Variants in SNCAIP observed in about 807,000 individuals in gnomAD.
The protein encoded by SNCAIP is synphilin-1.
In SNCAIP, 43 loss-of-function variants were observed where a neutral mutation model predicts 86.7. The ratio of observed to expected loss-of-function variants is 0.50; its 90% CI spans 0.39 to 0.64. SNCAIP has a LOEUF of 0.64. SNCAIP is among the 30% of genes least tolerant of loss of function. The pLI is 0.00. For missense variants in SNCAIP, 981 were observed against 1,103.1 expected (o/e 0.89, Z 1.57); for synonymous variants, 417 against 427.2 (o/e 0.98, Z 0.29).
chr5:122,440,752 C>A lies in SNCAIP; in HGVS notation c.1420C>A (p.Gln474Lys). 1 of 1,613,692 alleles carries A rather than the reference C, an allele frequency of 6.2e-7. No individual in the cohort carries two copies. The change falls in exon 7 of 11, where the codon CAG (glutamine) becomes AAG (lysine). Residue 474 changes from glutamine to lysine, a missense_variant and splice_region_variant. Transcript: ENST00000261368. ...ACAGCATGGCTACCTTGGATGCATA[C>A]AGGTACACAGGCCCTGCTGTTTTGC... ...ASQHGYLGCI[Q>K]TLVEYGANVT... is the part of the protein sequence containing the mutation.
chr5:122,368,662 C>T (rs1036977989), intron 1 of SNCAIP, among the ~76,000 whole-genome samples: 6 of 152,184 alleles, frequency 3.9e-5, no homozygotes, highest in Admixed American at 3.9e-4. Context: ...ATCTTAGCTC[C>T]TTTCTCCCAT....
At chr5:122,318,472 C>G (rs1469609592) in intron 1 of SNCAIP, among the ~76,000 whole-genome samples, 1 of 152,188 alleles carries the variant, frequency 6.6e-6, no homozygotes, top group African/African-American at 2.4e-5. Context: ...TTTGCACATC[C>G]TGTGCTCAGT....
intron 10 of SNCAIP, 36 bp from the exon 11 acceptor site, chr5:122,463,455 T>C: frequency 8.2e-7 from 1 of 1,216,180 alleles, no homozygotes. Context: ...ACCATAGTTT[T>C]ATCTAATTTT....
chr5:122,373,768 C>T (rs1041173869), intron 1 of SNCAIP, among the ~76,000 whole-genome samples: 1 of 152,166 alleles, frequency 6.6e-6, no homozygotes, highest in Non-Finnish European at 1.5e-5. Context: ...TACATCAGCC[C>T]TGACAACTTC....
intron 10 of SNCAIP, among the ~76,000 whole-genome samples, chr5:122,452,538 G>C (rs1212739842): frequency 6.6e-6 from 1 of 152,124 alleles, no homozygotes; most frequent in Non-Finnish European, 1.5e-5. Flanking sequence ...CCCAAATCAA[G>C]TTTTAGTGAG....
Position 122,451,678 on chromosome 5 carries a change from C to T in SNCAIP, c.2754+77C>T, listed in dbSNP as rs1166450644. The T allele has an allele frequency of 7.0e-6, 8 of 1,140,138 alleles. No homozygotes were observed. In the African/African-American group the frequency reaches 9.2e-5, roughly 13 times the overall value. 70.6% of individuals were successfully genotyped at this position (1,140,138 alleles called of 1,614,324 possible). A position where few individuals can be genotyped will look rare whatever the true frequency, so the allele number is the denominator to read the frequency against. The stretch of plus-strand genomic sequence containing the variant: ...GTTCCTAATATCACAGATTGTGGGC[C>T]CACACTACCTTGAGGGAATCCCCAG... On this transcript the variant is annotated intron_variant, in intron 10 of 10. Transcript: ENST00000261368.
rs1168997087 is a variant in SNCAIP, at chr5:122,451,385, G to T, written c.2538G>T (p.Arg846=). The T allele has an allele frequency of 3.1e-6, 5 of 1,614,182 alleles. No homozygotes were observed. Among genetic ancestry groups the T allele is most frequent in the Non-Finnish European group, 4.2e-6 (5 of 1,180,030 alleles). ...KDKDKGRTLQ[R]TSTSNESGDQ... is the part of the protein sequence containing the mutation. ...AAGATAAGGGCAGGACTCTCCAGCG[G>T]ACCTCCACAAGTAACGAATCGGGGG... Residue 846 remains arginine (R), a synonymous_variant, in exon 10 of 11, where the codon CGG becomes CGT. Transcript: ENST00000261368.
intron 1 of SNCAIP, among the ~76,000 whole-genome samples, chr5:122,326,058 T>G (rs781210042): frequency 3.3e-5 from 5 of 152,212 alleles, no homozygotes; most frequent in Non-Finnish European, 7.4e-5. Flanking sequence ...TTGTGACCAC[T>G]GAATAATAAT....
At chr5:122,386,056 G>A (rs1768068384) in intron 1 of SNCAIP, among the ~76,000 whole-genome samples, 1 of 152,104 alleles carries the variant, frequency 6.6e-6, no homozygotes, top group African/African-American at 2.4e-5. Context: ...TGCCTTTTAT[G>A]AGCCAAGCAC....
intron 8 of SNCAIP, among the ~76,000 whole-genome samples, chr5:122,446,191 A>C (rs552732340): frequency 4.3e-4 from 65 of 152,316 alleles, no homozygotes; most frequent in African/African-American, 1.6e-3. Context: ...AGATATTTCA[A>C]AAAAACAAGT....
At chr5:122,370,484 C>T (rs534210481) in intron 1 of SNCAIP, among the ~76,000 whole-genome samples, 132 of 152,132 alleles carry the variant, frequency 8.7e-4, no homozygotes, top group Non-Finnish European at 1.6e-3. Flanking sequence ...GACAATTGCA[C>T]CCTGTGTACC....
intron 1 of SNCAIP, among the ~76,000 whole-genome samples, chr5:122,363,663 T>G: frequency 6.9e-6 from 1 of 145,642 alleles, no homozygotes. Context: ...CCTAGAACAG[T>G]GCTAGACACT....
At chr5:122,443,101 T>A (rs540652032) in intron 7 of SNCAIP, among the ~76,000 whole-genome samples, 1 of 152,316 alleles carries the variant, frequency 6.6e-6, no homozygotes, top group South Asian at 2.1e-4. Context: ...GTGACACTCC[T>A]GTGAGGTAGG....
chr5:122,413,749 A>C (rs1190791660), intron 3 of SNCAIP, among the ~76,000 whole-genome samples: 1 of 152,184 alleles, frequency 6.6e-6, no homozygotes, highest in Non-Finnish European at 1.5e-5. Context: ...AAAAAAGAAA[A>C]AAGAAAAAAA....
intron 1 of SNCAIP, among the ~76,000 whole-genome samples, chr5:122,384,291 GA>G (rs1767625199): frequency 6.6e-6 from 1 of 152,106 alleles, no homozygotes; most frequent in Non-Finnish European, 1.5e-5. Context: ...TGTAAAATAT[GA>G]AAGATATGAT....
chr5:122,457,265 A>C (rs1337652339), intron 10 of SNCAIP, among the ~76,000 whole-genome samples: 2 of 152,156 alleles, frequency 1.3e-5, no homozygotes, highest in East Asian at 3.9e-4. Context: ...AGCCTCCCAA[A>C]GTGTTGGGAT....
rs146800112 is a variant in SNCAIP, at chr5:122,450,998, G to A, written c.2151G>A (p.Leu717=). 1.9e-6 allele frequency: 3 copies of A among 1,614,142 alleles called. No homozygotes were observed. Among genetic ancestry groups the A allele is most frequent in the African/African-American group, 1.3e-5 (1 of 75,034 alleles). Residue 717 remains leucine (L), a synonymous_variant, in exon 10 of 11, where the codon CTG becomes CTA. Coordinates refer to ENST00000261368, the MANE Select transcript of SNCAIP (RefSeq NM_005460.4). The part of the protein sequence containing the change: ...SVESMDSAES[L]HLMIKKHTLA... ...AGAGTATGGACAGCGCAGAAAGCCT[G>A]CACCTGATGATTAAGAAACACACCT...
intron 2 of SNCAIP, among the ~76,000 whole-genome samples, chr5:122,395,781 G>A (rs1329983056): frequency 2.6e-5 from 4 of 152,232 alleles, no homozygotes; most frequent in East Asian, 3.9e-4. Context: ...CAATGAGCTG[G>A]CATGGGCAAA....
At chr5:122,397,781 G>A (rs1449186750) in intron 2 of SNCAIP, among the ~76,000 whole-genome samples, 1 of 152,126 alleles carries the variant, frequency 6.6e-6, no homozygotes, top group Non-Finnish European at 1.5e-5. Context: ...TCAAAAGATT[G>A]AACTGTGCAG....
Sources: gnomAD v4.1 joint callset for allele counts (sites outside exome capture counted in the v4.1 genomes callset) on GRCh38, gnomAD v4.1.1 for gene constraint, MANE v1.5 for transcripts, NCBI Gene and HGNC (gene_info 2026-07-23, HGNC 2026-07-21) for gene names.